The following NBEA variants were observed in gnomAD, a reference collection of about 807,000 sequenced individuals.
The protein encoded by NBEA is neurobeachin.
A neutral mutation model predicts 343.4 loss-of-function variants in NBEA; 44 were observed. The observed-to-expected ratio is 0.13, with a 90% CI of 0.10 to 0.16. The LOEUF (loss-of-function observed/expected upper bound fraction) is 0.16, where lower values mean the gene tolerates loss of function less well. Among genes scored for constraint, NBEA ranks in the 10% least tolerant of loss-of-function variants. The pLI, the probability that NBEA is intolerant of heterozygous loss-of-function variation, is 1.00. For synonymous variants in NBEA, 1,175 were observed against 1,238.7 expected (o/e 0.95, Z 1.08); for missense variants, 2,555 against 3,631.3 (o/e 0.70, Z 7.62).
chr13:35,180,080 A>G (rs2071209083), intron 28 of NBEA, among the ~76,000 whole-genome samples: 1 of 151,674 alleles, frequency 6.6e-6, no homozygotes, highest in African/African-American at 2.4e-5. Context: ...AATATGTCTT[A>G]TTTGCTTTTT....
chr13:35,310,477 G>T (rs551314832), intron 36 of NBEA, among the ~76,000 whole-genome samples: 1 of 152,164 alleles, frequency 6.6e-6, no homozygotes, highest in Non-Finnish European at 1.5e-5. Flanking sequence ...AACACAGCAC[G>T]CTTTGCGGGC....
chr13:35,533,113 A>G (rs1266248083), intron 41 of NBEA, among the ~76,000 whole-genome samples: 1 of 152,192 alleles, frequency 6.6e-6, no homozygotes, highest in African/African-American at 2.4e-5. Flanking sequence ...CCCACTAGCA[A>G]TGTAGTGAGA....
In NBEA at chr13:35,157,180, T is replaced by C; in HGVS notation, c.2754T>C (p.Asn918=). The change falls in exon 21 of 59, where the codon AAT becomes AAC. Residue 918 remains asparagine, a synonymous_variant. Transcript: ENST00000379939. ...AGAAGATTACCGAAATGGTCTACAATATCTTCCGGATTCTTTTGTATCATG... is the reference window on the plus strand; with the variant it reads ...AGAAGATTACCGAAATGGTCTACAACATCTTCCGGATTCTTTTGTATCATG... ...EEQKITEMVY[N]IFRILLYHAI... is the part of the protein sequence containing the mutation. 1.2e-6 allele frequency: 2 copies of C among 1,610,854 alleles called. No individual in the cohort carries two copies. Among genetic ancestry groups the C allele is most frequent in the South Asian group, 1.1e-5 (1 of 90,274 alleles).
intron 34 of NBEA, among the ~76,000 whole-genome samples, chr13:35,283,467 G>A (rs2035194458): frequency 6.6e-6 from 1 of 152,080 alleles, no homozygotes; most frequent in Non-Finnish European, 1.5e-5. Context: ...AGGGAAATGT[G>A]TAATATCAAA....
chr13:35,152,914 C>T (rs1429264327), intron 18 of NBEA, among the ~76,000 whole-genome samples: 1 of 152,054 alleles, frequency 6.6e-6, no homozygotes. Flanking sequence ...CTTACCAATC[C>T]AGTCAAACCT....
chr13:35,639,644 A>C (rs759168733), intron 49 of NBEA, among the ~76,000 whole-genome samples: 7 of 152,162 alleles, frequency 4.6e-5, no homozygotes, highest in Non-Finnish European at 1.0e-4. Context: ...AATGCTAAGG[A>C]AACTTTGAAA....
intron 31 of NBEA, 114 bp downstream of exon 31, chr13:35,196,416 A>T: frequency 1.0e-6 from 1 of 998,976 alleles, no homozygotes; most frequent in South Asian, 1.8e-5. Context: ...GATTCTTATT[A>T]CAAAGACAAT....
chr13:35,498,997 A>G (rs1201278835), intron 41 of NBEA, among the ~76,000 whole-genome samples: 3 of 152,104 alleles, frequency 2.0e-5, no homozygotes, highest in Non-Finnish European at 4.4e-5. Flanking sequence ...AAGAATAGGT[A>G]TTATTTCTGG....
intron 1 of NBEA, among the ~76,000 whole-genome samples, chr13:34,977,933 A>G (rs2060233869): frequency 6.6e-6 from 1 of 152,132 alleles, no homozygotes; most frequent in South Asian, 2.1e-4. Flanking sequence ...CACCTGCCTC[A>G]GCCTCCTGAA....
At chr13:35,531,830 T>C (rs932426565) in intron 41 of NBEA, among the ~76,000 whole-genome samples, 1 of 152,246 alleles carries the variant, frequency 6.6e-6, no homozygotes, top group Non-Finnish European at 1.5e-5. Flanking sequence ...GTCACCATTT[T>C]AAGTAAGCAT....
chr13:35,512,419 T>A (rs990296486), intron 41 of NBEA, among the ~76,000 whole-genome samples: 1 of 152,212 alleles, frequency 6.6e-6, no homozygotes, highest in Non-Finnish European at 1.5e-5. Flanking sequence ...CCTCAAGCAA[T>A]AGATGCTATA....
Position 34,990,699 on chromosome 13 carries a change from T to G in NBEA, c.294+47585T>G, listed in dbSNP as rs901422221. On this transcript the variant is annotated intron_variant, in intron 1 of 58. Coordinates refer to ENST00000379939, the MANE Select transcript of NBEA (RefSeq NM_001385012.1). ...GCTCCTCTTTACTTATGCAAATTTC[T>G]ACATCCAGCTTGAATTCCTCCCCAG... 3.3e-5 allele frequency among the ~76,000 whole-genome samples: 5 copies of G among 152,164 alleles called. 2 individuals are homozygous for G. The highest frequency in any genetic ancestry group is 7.4e-5 in the Non-Finnish European group (5 of 68,018).
chr13:35,417,873 T>C (rs1324039549), intron 38 of NBEA, among the ~76,000 whole-genome samples: 1 of 152,164 alleles, frequency 6.6e-6, no homozygotes, highest in Non-Finnish European at 1.5e-5. Context: ...GGATTTTAAG[T>C]CTCTTTGTAG....
chr13:35,158,417 A>G (rs185811099), intron 21 of NBEA, among the ~76,000 whole-genome samples: 2 of 152,254 alleles, frequency 1.3e-5, no homozygotes, highest in African/African-American at 4.8e-5. Context: ...GAAAATAGCA[A>G]AGAAAAAGAC....
In NBEA at chr13:35,670,897, C is replaced by A. The variant is rs2085590321; in HGVS notation, c.8814-4C>A. Reference sequence around the variant, plus strand: ...ACTCTTAACTGCTGTTTCTGCTTTTCCAGGACTCTGATCACTGGCATGGCT... The same window carrying A: ...ACTCTTAACTGCTGTTTCTGCTTTTACAGGACTCTGATCACTGGCATGGCT... On this transcript the variant is annotated splice_region_variant and splice_polypyrimidine_tract_variant and intron_variant, in intron 58 of 58. Coordinates refer to ENST00000379939, the MANE Select transcript of NBEA (RefSeq NM_001385012.1). The A allele has an allele frequency of 6.3e-7, 1 of 1,585,848 alleles. No homozygotes were observed. Among genetic ancestry groups the A allele is most frequent in the Non-Finnish European group, 8.6e-7 (1 of 1,163,136 alleles).
rs902036478 is a variant in NBEA at position 35,476,636 on chromosome 13, TC to T, written c.6585+4102del. 47 of 506,766 alleles carry T rather than the reference TC, an allele frequency of 9.3e-5. 1 individual carries two copies. Among genetic ancestry groups the T allele is most frequent in the African/African-American group, 8.9e-4 (46 of 51,468 alleles). The allele number at this position is 506,766 out of a possible 1,614,324, so 31.4% of individuals were successfully genotyped here. ...GGAGGAAAAGTGTGCTGAGTGTGTG[TC>T]CGGGGTGAGTGTGCGTGTGTATATG... is the stretch of plus-strand genomic sequence containing the variant. On this transcript the variant is annotated intron_variant, in intron 41 of 58. Coordinates refer to ENST00000379939, the MANE Select transcript of NBEA (RefSeq NM_001385012.1).
chr13:35,654,760 T>C, intron 53 of NBEA, 95 bp from the exon 54 acceptor site: 3 of 951,466 alleles, frequency 3.2e-6, no homozygotes, highest in Non-Finnish European at 4.6e-6. Flanking sequence ...TATTTCTGGA[T>C]AAATGAAGCA....
At chr13:35,276,970 A>G (rs1410786227) in intron 34 of NBEA, among the ~76,000 whole-genome samples, 1 of 152,160 alleles carries the variant, frequency 6.6e-6, no homozygotes, top group South Asian at 2.1e-4. Flanking sequence ...AGAACGGTTT[A>G]CTTTTTCCTT....
At chr13:35,177,821 A>G (rs551705007) in intron 28 of NBEA, among the ~76,000 whole-genome samples, 1 of 151,868 alleles carries the variant, frequency 6.6e-6, no homozygotes, top group South Asian at 2.1e-4. Context: ...TGTTGATTGT[A>G]TATGAAATGT....
Sources: allele counts gnomAD v4.1 joint callset (sites outside exome capture counted in the v4.1 genomes callset), GRCh38; gene constraint gnomAD v4.1.1; transcripts MANE v1.5; gene names NCBI Gene and HGNC (gene_info 2026-07-23, HGNC 2026-07-21).